The following TMSB15B variants were observed in gnomAD, a reference collection of about 807,000 sequenced individuals.
TMSB15B encodes the protein thymosin beta 15B.
chrX:103,955,735 A>G (rs1290619128), intron 1 of TMSB15B, among the ~76,000 whole-genome samples: 1 of 111,958 alleles, frequency 8.9e-6, no homozygotes, highest in African/African-American at 3.2e-5. Flanking sequence ...GATGTACTCC[A>G]TGAGAAATTC....
intron 1 of TMSB15B, among the ~76,000 whole-genome samples, chrX:103,920,781 C>G (rs1332543389): frequency 8.9e-6 from 1 of 112,244 alleles, no homozygotes; most frequent in Non-Finnish European, 1.9e-5. Flanking sequence ...GCTAGGTTGC[C>G]CTTCTGTGAG....
chrX:103,949,683 A>G (rs73637715), intron 1 of TMSB15B, among the ~76,000 whole-genome samples: 4,151 of 112,195 alleles, frequency 0.037, 204 homozygotes, highest in African/African-American at 0.13. Flanking sequence ...TGAAATGCCC[A>G]ATAGACATCT....
chrX:103,928,195 T>C (rs2074974425), intron 1 of TMSB15B: 2 of 1,185,427 alleles, frequency 1.7e-6, no homozygotes, highest in Non-Finnish European at 2.3e-6. Context: ...CCTATGCCCT[T>C]GGGGCTGTTT....
intron 1 of TMSB15B, among the ~76,000 whole-genome samples, chrX:103,954,194 C>G (rs1446031650): frequency 2.7e-5 from 3 of 112,261 alleles, no homozygotes; most frequent in Non-Finnish European, 3.8e-5. Flanking sequence ...GCATGGCCAC[C>G]CCTTTAAGCT....
At chrX:103,953,375 G>C (rs2075043628) in intron 1 of TMSB15B, among the ~76,000 whole-genome samples, 1 of 112,243 alleles carries the variant, frequency 8.9e-6, no homozygotes, top group African/African-American at 3.2e-5. Context: ...AGCAAAGCAG[G>C]ATGTTAGACC....
rs1255957223 is a variant in TMSB15B at position 103,930,456 on chromosome X, A to C, written c.-721+11164A>C. On this transcript the variant is annotated intron_variant, in intron 1 of 3. Coordinates refer to the TMSB15B transcript ENST00000419165. ...GTGACCCTGTGTTCTTGTATTCTTCAATACCTCCCACTAGACCGTAAAACT... is the reference window on the plus strand; with the variant it reads ...GTGACCCTGTGTTCTTGTATTCTTCCATACCTCCCACTAGACCGTAAAACT... 6.3e-4 allele frequency among the ~76,000 whole-genome samples: 70 copies of C among 110,765 alleles called. 3 individuals are homozygous for C. Among genetic ancestry groups the C allele is most frequent in the Non-Finnish European group, 1.5e-4 (8 of 53,001 alleles).
At chrX:103,945,767 A>T (rs2075023985) in intron 1 of TMSB15B, among the ~76,000 whole-genome samples, 1 of 112,571 alleles carries the variant, frequency 8.9e-6, no homozygotes, top group South Asian at 3.7e-4. Context: ...GGGAAACAGT[A>T]CATTATTCCA....
At chrX:103,928,140 G>T in intron 1 of TMSB15B, 1 of 1,156,288 alleles carries the variant, frequency 8.6e-7, no homozygotes, top group South Asian at 1.9e-5. Context: ...CTTCAGCACA[G>T]AACACAAGCA....
At chrX:103,925,183 G>T (rs1325729556) in intron 1 of TMSB15B, among the ~76,000 whole-genome samples, 1 of 111,871 alleles carries the variant, frequency 8.9e-6, no homozygotes, top group Non-Finnish European at 1.9e-5. Flanking sequence ...TTTGAGGTGG[G>T]TCTTAATGTC....
At chrX:103,950,978 C>T (rs1391003046) in intron 1 of TMSB15B, among the ~76,000 whole-genome samples, 11 of 111,069 alleles carry the variant, frequency 9.9e-5, no homozygotes, top group African/African-American at 3.0e-4. Flanking sequence ...AACAAAATAC[C>T]ACACACTGAG....
chrX:103,943,664 C>A (rs1309870498), intron 1 of TMSB15B, among the ~76,000 whole-genome samples: 1 of 111,624 alleles, frequency 9.0e-6, no homozygotes, highest in African/African-American at 3.3e-5. Flanking sequence ...CCTTTTTCAC[C>A]TCTTTTTCCT....
At position 103,929,007 on chromosome X, in the gene TMSB15B, G is replaced by T. The variant is rs1390923235; in HGVS notation, c.-721+9715G>T. The T allele has an allele frequency of 8.6e-6, 10 of 1,165,476 alleles. No homozygotes were observed. In the African/African-American group the frequency reaches 1.8e-4, roughly 21 times the overall value. ...GGAAGTCACACTCCAGGAAAGAGCTGAAGACTGACTAGCTGCAGAAAGTGT... is the reference window on the plus strand; with the variant it reads ...GGAAGTCACACTCCAGGAAAGAGCTTAAGACTGACTAGCTGCAGAAAGTGT... On this transcript the variant is annotated intron_variant, in intron 1 of 3. Coordinates refer to the TMSB15B transcript ENST00000419165.
At chrX:103,941,968 TG>T (rs1364686315) in intron 1 of TMSB15B, among the ~76,000 whole-genome samples, 2 of 112,378 alleles carry the variant, frequency 1.8e-5, no homozygotes, top group Non-Finnish European at 3.8e-5. Flanking sequence ...CCTGTTGAGT[TG>T]TGTAACTTTT....
chrX:103,947,880 TC>T (rs2075029423), intron 1 of TMSB15B, among the ~76,000 whole-genome samples: 1 of 111,972 alleles, frequency 8.9e-6, no homozygotes, highest in African/African-American at 3.3e-5. Flanking sequence ...CTCGTTCATG[TC>T]CTTTGCAGGG....
chrX:103,946,730 A>G (rs1431106908), intron 1 of TMSB15B, among the ~76,000 whole-genome samples: 1 of 111,827 alleles, frequency 8.9e-6, no homozygotes, highest in Non-Finnish European at 1.9e-5. Flanking sequence ...ATCTAGATCC[A>G]TGCCTTATAC....
chrX:103,937,089 T>C (rs2075000169), intron 1 of TMSB15B, among the ~76,000 whole-genome samples: 3 of 112,190 alleles, frequency 2.7e-5, no homozygotes. Context: ...TATTGAGGAT[T>C]TTCACATTGA....
chrX:103,921,533 C>T lies in TMSB15B; in HGVS notation c.-721+2241C>T, dbSNP rs374180939. 5.3e-4 allele frequency among the ~76,000 whole-genome samples: 59 copies of T among 111,905 alleles called. No individual in the cohort carries two copies. The South Asian group carries it at 0.01, about 19-fold the overall frequency. On this transcript the variant is annotated intron_variant, in intron 1 of 3. Transcript: ENST00000419165. ...CCAGAGTTGGACTACTGGAACAAAG[C>T]GAGAGACATTTTGTGCAGGGATGGG...
chrX:103,929,781 T>G (rs2074979341), intron 1 of TMSB15B, among the ~76,000 whole-genome samples: 1 of 111,679 alleles, frequency 9.0e-6, no homozygotes, highest in African/African-American at 3.3e-5. Flanking sequence ...CCAGAAACGA[T>G]TTGAGTTTCC....
chrX:103,939,937 G>T (rs1255017342), intron 1 of TMSB15B, among the ~76,000 whole-genome samples: 3 of 111,788 alleles, frequency 2.7e-5, no homozygotes, highest in Non-Finnish European at 5.6e-5. Flanking sequence ...GCTGCAGTTT[G>T]CTGGGGGTCC....
Sources: gnomAD v4.1 joint callset for allele counts (sites outside exome capture counted in the v4.1 genomes callset) on GRCh38, gnomAD v4.1.1 for gene constraint, MANE v1.5 for transcripts, NCBI Gene and HGNC (gene_info 2026-07-23, HGNC 2026-07-21) for gene names.